ELAVL2: variants seen among roughly 807,000 people sequenced by gnomAD.
ELAVL2 encodes ELAV-like protein 2.
A neutral mutation model predicts 34.6 loss-of-function variants in ELAVL2; 4 were observed. The ratio of observed to expected loss-of-function variants is 0.12; its 90% CI spans 0.06 to 0.26. ELAVL2 has a LOEUF of 0.26. ELAVL2 is among the 10% of genes least tolerant of loss of function. The probability of loss-of-function intolerance (pLI) is 1.00; values close to 1 mark genes in which losing one functional copy is unlikely to be tolerated. For missense variants in ELAVL2, 432 were observed against 442.8 expected, an observed-to-expected ratio of 0.98 and a Z score of 0.22; for synonymous variants, 193 against 154.8, an observed-to-expected ratio of 1.25 and a Z score of -1.83.
At chr9:23,729,587 A>G (rs1209476766) in intron 3 of ELAVL2, among the ~76,000 whole-genome samples, 6 of 152,114 alleles carry the variant, frequency 3.9e-5, no homozygotes. Flanking sequence ...TTCCCTTCAC[A>G]TTTTGATAAT....
intron 4 of ELAVL2, among the ~76,000 whole-genome samples, chr9:23,702,979 A>AAAAAAAAAAAAAAAAC (rs2037970345): frequency 7.8e-6 from 1 of 128,800 alleles, no homozygotes; most frequent in Non-Finnish European, 1.6e-5. Flanking sequence ...AAAAAAAAAA[A>AAAAAAAAAAAAAAAAC]AACAGCCTCT....
chr9:23,692,464 A>G lies in ELAVL2; in HGVS notation c.*93T>C. 1 of 1,326,438 alleles carries G rather than the reference A, an allele frequency of 7.5e-7. No homozygotes were observed. 82.2% of individuals were successfully genotyped at this position (1,326,438 alleles called of 1,614,324 possible). A position where few individuals can be genotyped will look rare whatever the true frequency, so the allele number is the denominator to read the frequency against. ...TCATTTTATCCCCATCTCAACACTG[A>G]CTTACAAAGACATTTACTAATGTAT... On this transcript the variant is annotated 3_prime_UTR_variant, in exon 7 of 7. Transcript: ENST00000397312.
At chr9:23,789,442 T>C (rs1474656582) in intron 1 of ELAVL2, among the ~76,000 whole-genome samples, 8 of 152,254 alleles carry the variant, frequency 5.3e-5, no homozygotes, top group East Asian at 1.9e-4. Flanking sequence ...AACTGAATTC[T>C]TGAGGCATAG....
At chr9:23,831,661 C>T in the ELAVL2 span, 1 of 152,256 alleles carries the variant, frequency 6.6e-6, no homozygotes, top group South Asian at 2.1e-4. Context: ...AAGCCCAGAT[C>T]CTGCTCCATT....
At position 23,818,390 on chromosome 9, in the gene ELAVL2, C is replaced by G. The variant is rs146920218; in HGVS notation, c.-16+7416G>C. 4.6e-5 allele frequency among the ~76,000 whole-genome samples: 7 copies of G among 152,246 alleles called. No homozygotes were observed. The East Asian group carries it at 1.4e-3, about 29-fold the overall frequency. ...CTTGTCCAAAAATTCTTAAGAATTTCAAGATTGGGTAGGATGTGCAACCAT... is the reference window on the plus strand; with the variant it reads ...CTTGTCCAAAAATTCTTAAGAATTTGAAGATTGGGTAGGATGTGCAACCAT... On this transcript the variant is annotated intron_variant, in intron 1 of 6. Coordinates refer to ENST00000397312, the MANE Select transcript of ELAVL2 (RefSeq NM_004432.5).
chr9:23,838,030 C>T, the ELAVL2 span, among the ~76,000 whole-genome samples: 1 of 151,984 alleles, frequency 6.6e-6, no homozygotes, highest in African/African-American at 2.4e-5. Flanking sequence ...AAGCAGTCTC[C>T]TCCATAAACA....
intron 1 of ELAVL2, among the ~76,000 whole-genome samples, chr9:23,770,774 C>G (rs868313100): frequency 6.6e-6 from 1 of 152,126 alleles, no homozygotes; most frequent in South Asian, 2.1e-4. Context: ...AATTTTAAGA[C>G]AATAAATCTT....
intron 1 of ELAVL2, among the ~76,000 whole-genome samples, chr9:23,776,828 T>C (rs2058281178): frequency 6.6e-6 from 1 of 151,562 alleles, no homozygotes; most frequent in South Asian, 2.1e-4. Context: ...TGTGGACACG[T>C]ATTTGAGAAG....
intron 5 of ELAVL2, 88 bp downstream of exon 5, chr9:23,701,291 G>A: frequency 2.8e-6 from 4 of 1,412,956 alleles, no homozygotes; most frequent in Non-Finnish European, 3.9e-6. Context: ...AAGCAAACCA[G>A]AGATCCTGTC....
chr9:23,790,164 T>C (rs192386711), intron 1 of ELAVL2, among the ~76,000 whole-genome samples: 84 of 152,128 alleles, frequency 5.5e-4, no homozygotes, highest in South Asian at 4.2e-3. Context: ...CCGAGTGCTG[T>C]TTTGTACTGG....
At chr9:23,768,675 G>C (rs914204684) in intron 1 of ELAVL2, among the ~76,000 whole-genome samples, 15 of 152,030 alleles carry the variant, frequency 9.9e-5, no homozygotes, top group Admixed American at 3.9e-4. Flanking sequence ...GAAAAGTTGT[G>C]TATTTTTATT....
At chr9:23,708,920 G>T (rs1360688487) in intron 3 of ELAVL2, among the ~76,000 whole-genome samples, 1 of 152,126 alleles carries the variant, frequency 6.6e-6, no homozygotes, top group East Asian at 1.9e-4. Context: ...TTACAGGCAT[G>T]AGCCACCACG....
chr9:23,811,121 T>C (rs542773874), intron 1 of ELAVL2, among the ~76,000 whole-genome samples: 5 of 152,244 alleles, frequency 3.3e-5, no homozygotes, highest in African/African-American at 9.6e-5. Context: ...CACAAACTAT[T>C]ATTCACTCTA....
At chr9:23,817,223 A>G (rs564000056) in intron 1 of ELAVL2, among the ~76,000 whole-genome samples, 3 of 151,596 alleles carry the variant, frequency 2.0e-5, no homozygotes, top group Non-Finnish European at 4.4e-5. Flanking sequence ...ATATAAATAT[A>G]TACTAAGAAA....
chr9:23,784,799 T>G (rs531016841), intron 1 of ELAVL2, among the ~76,000 whole-genome samples: 90 of 152,296 alleles, frequency 5.9e-4, no homozygotes, highest in African/African-American at 2.1e-3. Flanking sequence ...TCAGAATTTA[T>G]GTGGAATGTC....
At chr9:23,806,615 T>A (rs944525183) in intron 1 of ELAVL2, among the ~76,000 whole-genome samples, 1 of 151,558 alleles carries the variant, frequency 6.6e-6, no homozygotes, top group Non-Finnish European at 1.5e-5. Flanking sequence ...TGAGACTAAA[T>A]CTCTTAAAAA....
chr9:23,794,159 T>C (rs2060638992), intron 1 of ELAVL2, among the ~76,000 whole-genome samples: 1 of 152,178 alleles, frequency 6.6e-6, no homozygotes, highest in Non-Finnish European at 1.5e-5. Context: ...CCAACAGCAT[T>C]CAAGCTGCTT....
At chr9:23,692,977 G>T in intron 6 of ELAVL2, 93 bp from the exon 7 acceptor site, 1 of 1,153,380 alleles carries the variant, frequency 8.7e-7, no homozygotes, top group South Asian at 1.6e-5. Flanking sequence ...CCATCCCCAA[G>T]AATTTTAGTA....
At chr9:23,789,059 G>A (rs989937250) in intron 1 of ELAVL2, among the ~76,000 whole-genome samples, 1 of 152,162 alleles carries the variant, frequency 6.6e-6, no homozygotes, top group African/African-American at 2.4e-5. Context: ...CTTATAGAGG[G>A]CAGTGTAAGA....
Sources: gnomAD v4.1 joint callset for allele counts (sites outside exome capture counted in the v4.1 genomes callset) on GRCh38, gnomAD v4.1.1 for gene constraint, MANE v1.5 for transcripts, NCBI Gene and HGNC (gene_info 2026-07-23, HGNC 2026-07-21) for gene names.